Variants in PCSK2 observed in about 807,000 individuals in gnomAD.
PCSK2 encodes proprotein convertase subtilisin/kexin type 2.
A neutral mutation model predicts 69.7 loss-of-function variants in PCSK2; 14 were observed. The ratio of observed to expected loss-of-function variants is 0.20; its 90% CI spans 0.13 to 0.31. PCSK2 has a LOEUF of 0.31. Among genes scored for constraint, PCSK2 ranks in the 10% least tolerant of loss-of-function variants. The probability of loss-of-function intolerance (pLI) is 1.00; values close to 1 mark genes in which losing one functional copy is unlikely to be tolerated. For missense variants in PCSK2, 544 were observed against 842.5 expected (o/e 0.65, Z 4.39); for synonymous variants, 307 against 320.7 (o/e 0.96, Z 0.46).
At chr20:17,472,040 G>A (rs1287512910) in intron 11 of PCSK2, among the ~76,000 whole-genome samples, 1 of 152,192 alleles carries the variant, frequency 6.6e-6, no homozygotes, top group Admixed American at 6.5e-5. Flanking sequence ...GTCAGTGAAG[G>A]ATGCTCAGCT....
chr20:17,230,204 A>T (rs1167002014), intron 1 of PCSK2, among the ~76,000 whole-genome samples: 4 of 152,080 alleles, frequency 2.6e-5, no homozygotes, highest in Non-Finnish European at 2.9e-5. Flanking sequence ...GATGCTTAGC[A>T]TGCTTCCCAA....
intron 8 of PCSK2, among the ~76,000 whole-genome samples, chr20:17,442,948 A>G (rs2032627322): frequency 1.4e-5 from 2 of 147,440 alleles, no homozygotes; most frequent in Admixed American, 1.4e-4. Context: ...GCGAAGTGGA[A>G]AAGCTGGAGG....
At chr20:17,320,052 G>A (rs1353483457) in intron 2 of PCSK2, among the ~76,000 whole-genome samples, 1 of 152,156 alleles carries the variant, frequency 6.6e-6, no homozygotes, top group Non-Finnish European at 1.5e-5. Flanking sequence ...ACAGAGCTCA[G>A]GTGGGCAGGT....
chr20:17,426,973 T>C (rs967474372), intron 6 of PCSK2, among the ~76,000 whole-genome samples: 2 of 152,242 alleles, frequency 1.3e-5, no homozygotes, highest in African/African-American at 2.4e-5. Flanking sequence ...AATTTTAATC[T>C]GCATGTTTCT....
intron 9 of PCSK2, among the ~76,000 whole-genome samples, chr20:17,456,110 C>T (rs891311411): frequency 3.3e-5 from 5 of 151,942 alleles, no homozygotes; most frequent in Non-Finnish European, 7.4e-5. Context: ...CATGGTGGCA[C>T]GTGCCTGTAA....
In PCSK2 at chr20:17,453,450, T is replaced by C. The variant is rs918873365; in HGVS notation, c.886-292T>C. ...AGCATGTACCACCTTTCTAGCTTTT[T>C]TAAAAAGCAGTTTATTTGTAAATTT... On this transcript the variant is annotated intron_variant, in intron 8 of 11. Transcript: ENST00000262545. The surrounding 1 kb of genome is among the most constrained non-coding windows in gnomAD (Gnocchi z 4.0). Among the ~76,000 whole-genome samples the C allele has an allele frequency of 6.6e-6, 1 of 152,236 alleles. No homozygotes were observed. Among genetic ancestry groups the C allele is most frequent in the Non-Finnish European group, 1.5e-5 (1 of 68,046 alleles).
chr20:17,404,547 C>T (rs1600552809), intron 5 of PCSK2, among the ~76,000 whole-genome samples: 1 of 152,168 alleles, frequency 6.6e-6, no homozygotes, highest in East Asian at 1.9e-4. Context: ...AGCTGGGGCT[C>T]AGTATCTGCC....
intron 10 of PCSK2, 90 bp downstream of exon 10, chr20:17,456,538 A>G (rs1225153821): frequency 5.4e-6 from 4 of 740,266 alleles, no homozygotes; most frequent in Non-Finnish European, 9.5e-6. Context: ...CATGGAGGGA[A>G]AAGTTGATGT....
intron 2 of PCSK2, among the ~76,000 whole-genome samples, chr20:17,347,886 A>G (rs908962106): frequency 0.36 from 5,642 of 15,588 alleles, 829 homozygotes; most frequent in Middle Eastern, 0.67. Flanking sequence ...GAAAGAAAGA[A>G]AGAAAGAAAG....
chr20:17,477,504 T>G (rs1434660063), intron 11 of PCSK2, among the ~76,000 whole-genome samples: 6 of 152,144 alleles, frequency 3.9e-5, no homozygotes, highest in Non-Finnish European at 2.9e-5. Context: ...TATTATAATC[T>G]TCAAGGGCAC....
intron 2 of PCSK2, among the ~76,000 whole-genome samples, chr20:17,271,779 T>A (rs6136043): frequency 0.12 from 17,709 of 152,068 alleles, 1,288 homozygotes; most frequent in African/African-American, 0.21. Flanking sequence ...TTTATCTTTT[T>A]AAAAAAATTA....
At chr20:17,414,718 C>G (rs1423670947) in intron 6 of PCSK2, among the ~76,000 whole-genome samples, 2 of 152,128 alleles carry the variant, frequency 1.3e-5, no homozygotes, top group African/African-American at 2.4e-5. Flanking sequence ...CAAAGCCTGG[C>G]AGAGACACAA....
chr20:17,302,871 TGAA>T (rs1340289695), intron 2 of PCSK2, among the ~76,000 whole-genome samples: 1 of 152,198 alleles, frequency 6.6e-6, no homozygotes, highest in Non-Finnish European at 1.5e-5. Context: ...TGTTTCTGGT[TGAA>T]GAAGAGCTCC....
intron 7 of PCSK2, 65 bp from the exon 8 acceptor site, chr20:17,436,643 C>A: frequency 7.0e-7 from 1 of 1,430,892 alleles, no homozygotes; most frequent in South Asian, 1.3e-5. Context: ...AGCCCTCCTC[C>A]ACCTCCTTGT....
chr20:17,411,776 C>G (rs1446059056), intron 6 of PCSK2, among the ~76,000 whole-genome samples: 2 of 152,232 alleles, frequency 1.3e-5, no homozygotes, highest in African/African-American at 4.8e-5. Flanking sequence ...GGCCAACAGA[C>G]AGCTCACAAA....
At chr20:17,346,731 C>G (rs1990663303) in intron 2 of PCSK2, among the ~76,000 whole-genome samples, 2 of 152,198 alleles carry the variant, frequency 1.3e-5, no homozygotes, top group Admixed American at 6.5e-5. Flanking sequence ...GCCGTAATAT[C>G]TGGCATAGAG....
chr20:17,360,729 A>G, intron 4 of PCSK2, 89 bp downstream of exon 4: 1 of 751,422 alleles, frequency 1.3e-6, no homozygotes, highest in South Asian at 1.7e-5. Flanking sequence ...GGAGATGCTA[A>G]CCAGAGATGG....
chr20:17,293,062 G>A (rs533093595), intron 2 of PCSK2, among the ~76,000 whole-genome samples: 254 of 152,152 alleles, frequency 1.7e-3, no homozygotes, highest in Middle Eastern at 0.01. Flanking sequence ...TGGCTTTAAA[G>A]GATCCACCTG....
Position 17,453,787 on chromosome 20 carries a change from G to A in PCSK2, c.931G>A (p.Gly311Ser). 1.2e-6 allele frequency: 2 copies of A among 1,614,052 alleles called. No individual in the cohort carries two copies. Among genetic ancestry groups the A allele is most frequent in the Non-Finnish European group, 1.7e-6 (2 of 1,179,984 alleles). The change falls in exon 9 of 12, where the codon GGC becomes AGC. Residue 311 changes from glycine (G) to serine (S), a missense_variant. Physicochemically the swap from Gly to Ser is moderately conservative, Grantham distance 56 (BLOSUM62 0). This residue lies in a region of PCSK2 where 187 missense variants were observed against 399.8 expected (regional missense o/e 0.47). Transcript: ENST00000262545. The surrounding 1 kb of genome is among the most constrained non-coding windows in gnomAD (Gnocchi z 4.0). Reference protein sequence around the residue: ...GSIYVWASGDGGSYDDCNCDG... With the variant: ...GSIYVWASGDSGSYDDCNCDG... ...CATCTACGTGTGGGCCTCCGGGGAC[G>A]GCGGCAGCTATGACGACTGCAACTG...
Sources: gnomAD v4.1 joint callset for allele counts (sites outside exome capture counted in the v4.1 genomes callset) on GRCh38, gnomAD v4.1.1 for gene constraint, gnomAD v4.1.1 regional missense constraint, Gnocchi (gnomAD v3.1) non-coding constraint, MANE v1.5 for transcripts, NCBI Gene and HGNC (gene_info 2026-07-23, HGNC 2026-07-21) for gene names.